Variants in IQANK1 observed in about 807,000 individuals in gnomAD.
The protein encoded by IQANK1 is IQ motif and ankyrin repeat containing 1, also known as IQ motif and ankyrin repeat domain-containing protein 1.
IQANK1 carries 30 observed loss-of-function variants against 22.6 expected under a neutral mutation model. That is an observed-to-expected ratio of 1.33 (90% CI 0.99 to 1.80). The LOEUF (loss-of-function observed/expected upper bound fraction) is 1.80, where lower values mean the gene tolerates loss of function less well. Ranked by LOEUF, IQANK1 falls within the 40% of genes most tolerant of loss-of-function variation. IQANK1 has a pLI of 0.00. For missense variants in IQANK1, 275 were observed against 235.2 expected, an observed-to-expected ratio of 1.17 and a Z score of -1.11; for synonymous variants, 122 against 99.6, an observed-to-expected ratio of 1.23 and a Z score of -1.34.
intron 7 of IQANK1, among the ~76,000 whole-genome samples, chr8:143,787,259 G>C (rs1476031870): frequency 6.6e-6 from 1 of 152,166 alleles, no homozygotes; most frequent in Non-Finnish European, 1.5e-5. Flanking sequence ...TTTTGGCCCT[G>C]GTGGGCTTTG....
intron 3 of IQANK1, among the ~76,000 whole-genome samples, chr8:143,747,974 C>CCT (rs1554627409): frequency 2.5e-5 from 3 of 120,518 alleles, no homozygotes; most frequent in African/African-American, 6.5e-5. Flanking sequence ...TTTCCTTTCC[C>CCT]TTTCCTTTCC....
chr8:143,748,750 AT>A (rs1819097370), intron 3 of IQANK1, among the ~76,000 whole-genome samples: 1 of 104,496 alleles, frequency 9.6e-6, no homozygotes, highest in South Asian at 2.7e-4. Flanking sequence ...ATAAATATAT[AT>A]CATATAAATA....
chr8:143,789,133 G>C (rs970896372), intron 8 of IQANK1, 56 bp from the exon 9 acceptor site: 1 of 401,616 alleles, frequency 2.5e-6, no homozygotes, highest in Non-Finnish European at 4.4e-6. Context: ...CCGGGCAGGG[G>C]GTGCTGGTGG....
chr8:143,757,127 A>T (rs62526398), intron 3 of IQANK1, among the ~76,000 whole-genome samples: 27,069 of 152,210 alleles, frequency 0.18, 6,792 homozygotes, highest in African/African-American at 0.56. Context: ...ATCTATTGGG[A>T]CACAAGGCTT....
intron 3 of IQANK1, among the ~76,000 whole-genome samples, chr8:143,757,333 GTCTT>G (rs1315146779): frequency 1.3e-5 from 2 of 151,266 alleles, no homozygotes; most frequent in Admixed American, 6.6e-5. Context: ...TACATAATGT[GTCTT>G]TCTTTTTTTT....
intron 7 of IQANK1, 41 bp from the exon 8 acceptor site, chr8:143,788,874 G>C (rs1255189287): frequency 2.5e-6 from 1 of 398,910 alleles, no homozygotes; most frequent in Non-Finnish European, 4.4e-6. Context: ...AGGAGACTCG[G>C]AACACGCACT....
chr8:143,739,905 G>A lies in IQANK1; in HGVS notation c.132G>A (p.Gln44=). The A allele has an allele frequency of 1.4e-6, 1 of 698,452 alleles. No homozygotes were observed. Among genetic ancestry groups the A allele is most frequent in the Non-Finnish European group, 2.6e-6 (1 of 383,136 alleles). 43.3% of individuals were successfully genotyped at this position (698,452 alleles called of 1,614,324 possible). A position where few individuals can be genotyped will look rare whatever the true frequency, so the allele number is the denominator to read the frequency against. ...CGCCGCAGAGGAAAGCGGGCTGGCA[G>A]GCGAGGGAGCCCGCGTCGGCTGAGA... ...NRPPQRKAGW[Q]AREPASAESP... Residue 44 remains glutamine, a synonymous_variant, in exon 3 of 14, where the codon CAG becomes CAA. Coordinates refer to ENST00000527139, the MANE Select transcript of IQANK1 (RefSeq NM_001381874.1).
Position 143,785,168 on chromosome 8 carries a change from C to G in IQANK1, c.790-3747C>G, listed in dbSNP as rs117998129. On this transcript the variant is annotated intron_variant, in intron 7 of 13. Transcript: ENST00000527139. Reference sequence around the variant, plus strand: ...TGTAGCTAACTCTAATATCCTGATCCCTTGTGGAGCTATTTCTATCATTTG... The same window carrying G: ...TGTAGCTAACTCTAATATCCTGATCGCTTGTGGAGCTATTTCTATCATTTG... 6.7e-3 allele frequency among the ~76,000 whole-genome samples: 1,012 copies of G among 152,020 alleles called. 10 individuals are homozygous for G. Among genetic ancestry groups the G allele is most frequent in the Non-Finnish European group, 0.011 (750 of 67,990 alleles).
At chr8:143,744,177 G>T in intron 3 of IQANK1, 1 of 170,670 alleles carries the variant, frequency 5.9e-6, no homozygotes. Context: ...GGATCTCCCC[G>T]GGTAATCTGG....
intron 3 of IQANK1, among the ~76,000 whole-genome samples, chr8:143,755,275 A>G (rs1819270011): frequency 6.6e-6 from 1 of 152,250 alleles, no homozygotes; most frequent in African/African-American, 2.4e-5. Flanking sequence ...AGACCAGTGC[A>G]TTCCATGGGA....
At chr8:143,772,779 G>A (rs1444751948) in intron 7 of IQANK1, among the ~76,000 whole-genome samples, 1 of 152,240 alleles carries the variant, frequency 6.6e-6, no homozygotes, top group Non-Finnish European at 1.5e-5. Context: ...AATGCCTTTG[G>A]TGTCGGGTTT....
In IQANK1 at chr8:143,748,727, C is replaced by CATATATAA. The variant is rs1374427182; in HGVS notation, c.175+8795_175+8802dup. Reference sequence around the variant, plus strand: ...ATATATAAATATATATCATATATATCATATATAAATATATAAATATATATC... The same window carrying CATATATAA: ...ATATATAAATATATATCATATATATCATATATAAATATATAAATATATAAATATATATC... On this transcript the variant is annotated intron_variant, in intron 3 of 13. Coordinates refer to ENST00000527139, the MANE Select transcript of IQANK1 (RefSeq NM_001381874.1). Among the ~76,000 whole-genome samples the CATATATAA allele has an allele frequency of 3.8e-5, 3 of 78,826 alleles. No individual in the cohort carries two copies. In the East Asian group the frequency reaches 8.5e-4, roughly 22 times the overall value. The allele number at this position is 78,826 out of a possible 152,430, so 51.7% of individuals were successfully genotyped here.
At position 143,735,887 on chromosome 8, in the gene IQANK1, G is replaced by A. The variant is rs1818724200; in HGVS notation, c.34G>A (p.Ala12Thr). ...DSKKGRPKAA[A>T]GKWQTLHPGP... is the part of the protein sequence containing the mutation. Reference sequence around the variant, plus strand: ...TAAGAAGGGGAGACCCAAAGCTGCAGCTGGGAAGTGGCAGACGCTCCACCC... The same window carrying A: ...TAAGAAGGGGAGACCCAAAGCTGCAACTGGGAAGTGGCAGACGCTCCACCC... The change falls in exon 2 of 14, where the codon GCT (alanine) becomes ACT (threonine). Residue 12 changes from alanine to threonine, a missense_variant. Ala to Thr is a moderately conservative substitution (Grantham distance 58, BLOSUM62 0). Coordinates refer to ENST00000527139, the MANE Select transcript of IQANK1 (RefSeq NM_001381874.1). This position sits in a 1 kb window ranked among gnomAD's most constrained non-coding sequence, Gnocchi z 5.2. 1 of 702,660 alleles carries A rather than the reference G, an allele frequency of 1.4e-6. No individual in the cohort carries two copies. The highest frequency in any genetic ancestry group is 1.5e-5 in the South Asian group (1 of 67,590). The allele number at this position is 702,660 out of a possible 1,614,324, so 43.5% of individuals were successfully genotyped here.
chr8:143,790,065 G>A lies in IQANK1; in HGVS notation c.1289+1G>A. 8.1e-7 allele frequency: 1 copy of A among 1,232,134 alleles called. No homozygotes were observed. The highest frequency in any genetic ancestry group is 3.2e-5 in the East Asian group (1 of 31,716). 76.3% of individuals were successfully genotyped at this position (1,232,134 alleles called of 1,614,324 possible). On this transcript the variant is annotated splice_donor_variant, in intron 12 of 13. Coordinates refer to ENST00000527139, the MANE Select transcript of IQANK1 (RefSeq NM_001381874.1). LOFTEE classifies it high-confidence loss of function. ...GCAACCGCATCCGTGCCGATGGCCGGTCAGTTCTCCGGGCCAGACGTGGGC... is the reference window on the plus strand; with the variant it reads ...GCAACCGCATCCGTGCCGATGGCCGATCAGTTCTCCGGGCCAGACGTGGGC...
At position 143,771,426 on chromosome 8, in the gene IQANK1, A is replaced by C. The variant is rs2129906751; in HGVS notation, c.176-62A>C. On this transcript the variant is annotated intron_variant, in intron 3 of 13. Coordinates refer to ENST00000527139, the MANE Select transcript of IQANK1 (RefSeq NM_001381874.1). This position sits in a 1 kb window ranked among gnomAD's most constrained non-coding sequence, Gnocchi z 6.0. ...CGGGGGCGGGGCCGGCTCCACTCCC[A>C]GGGGCGCAGCAGGCGTGGCTGGAGG... 1 of 388,958 alleles carries C rather than the reference A, an allele frequency of 2.6e-6. No homozygotes were observed. The highest frequency in any genetic ancestry group is 4.5e-5 in the Admixed American group (1 of 22,414). The allele number at this position is 388,958 out of a possible 1,614,324, so 24.1% of individuals were successfully genotyped here. A position where few individuals can be genotyped will look rare whatever the true frequency, so the allele number is the denominator to read the frequency against.
chr8:143,736,254 T>G (rs1554625656), intron 2 of IQANK1, among the ~76,000 whole-genome samples: 1 of 152,028 alleles, frequency 6.6e-6, no homozygotes, highest in Non-Finnish European at 1.5e-5. Context: ...AGTCTTGTGC[T>G]TCAGCCTCCC....
intron 3 of IQANK1, among the ~76,000 whole-genome samples, chr8:143,753,970 AG>A (rs1281280263): frequency 1.3e-5 from 2 of 151,886 alleles, no homozygotes; most frequent in East Asian, 1.9e-4. Context: ...TCTCTTTCCA[AG>A]GCTCAGCTGG....
chr8:143,741,023 C>T (rs1818899311), intron 3 of IQANK1, among the ~76,000 whole-genome samples: 1 of 152,210 alleles, frequency 6.6e-6, no homozygotes, highest in South Asian at 2.1e-4. Flanking sequence ...GATGTCCCTT[C>T]TGTCACTGAA....
chr8:143,748,633 A>G (rs1554627529), intron 3 of IQANK1, among the ~76,000 whole-genome samples: 5 of 113,738 alleles, frequency 4.4e-5, no homozygotes, highest in Non-Finnish European at 8.1e-5. Context: ...AATATATCAT[A>G]TATAAATATA....
Sources: allele counts gnomAD v4.1 joint callset (sites outside exome capture counted in the v4.1 genomes callset), GRCh38; gene constraint gnomAD v4.1.1; non-coding constraint Gnocchi (gnomAD v3.1); transcripts MANE v1.5; gene names NCBI Gene and HGNC (gene_info 2026-07-23, HGNC 2026-07-21).